The following PPP2R1B variants were observed in gnomAD, a reference collection of about 807,000 sequenced individuals.
PPP2R1B encodes the protein protein phosphatase 2 scaffold subunit Abeta.
In PPP2R1B, 58 loss-of-function variants were observed where a neutral mutation model predicts 72.7. The ratio of observed to expected loss-of-function variants is 0.80; its 90% CI spans 0.65 to 0.99. The LOEUF (loss-of-function observed/expected upper bound fraction) is 0.99. Ranked by LOEUF, PPP2R1B falls within the 50% of genes least tolerant of loss-of-function variation. PPP2R1B has a pLI of 0.00. For synonymous variants in PPP2R1B, 256 were observed against 264.6 expected (o/e 0.97, Z 0.32); for missense variants, 695 against 733.6 (o/e 0.95, Z 0.61).
intron 10 of PPP2R1B, among the ~76,000 whole-genome samples, chr11:111,751,706 A>C (rs1274116424): frequency 1.3e-5 from 2 of 152,242 alleles, no homozygotes; most frequent in Admixed American, 1.3e-4. Context: ...GGCCAGATGC[A>C]GTGGCTCACG....
chr11:111,738,175 A>T lies in PPP2R1B; in HGVS notation c.*3421T>A. ...AAACAGTTACATCACATCAGACTGC[A>T]GTCACCTCAGCTGCTAAACCAGGAG... On this transcript the variant is annotated 3_prime_UTR_variant, in exon 15 of 15. Transcript: ENST00000527614. 1 of 986,010 alleles carries T rather than the reference A, an allele frequency of 1.0e-6. No homozygotes were observed. Among genetic ancestry groups the T allele is most frequent in the Non-Finnish European group, 1.2e-6 (1 of 830,314 alleles). 61.1% of individuals were successfully genotyped at this position (986,010 alleles called of 1,614,324 possible).
Position 111,742,162 on chromosome 11 carries a change from T to C in PPP2R1B, c.1698-18A>G, listed in dbSNP as rs776276887. The C allele has an allele frequency of 4.4e-6, 7 of 1,589,086 alleles. No individual in the cohort carries two copies. The East Asian group carries it at 6.7e-5, about 15-fold the overall frequency. ...GTAAAGCACTGACATTCAAAAGTAT[T>C]ATCTGTGAAAGACAGTCTAATGGGC... is the stretch of plus-strand genomic sequence containing the variant. On this transcript the variant is annotated intron_variant, in intron 13 of 14. Coordinates refer to ENST00000527614, the MANE Select transcript of PPP2R1B (RefSeq NM_002716.5).
the PPP2R1B span, among the ~76,000 whole-genome samples, chr11:111,714,366 G>A: frequency 1.4e-4 from 21 of 152,220 alleles, no homozygotes; most frequent in African/African-American, 4.8e-4. Flanking sequence ...TGAAACAACT[G>A]AAGGAACAGT....
Position 111,738,090 on chromosome 11 carries a change from G to C in PPP2R1B, c.*3506C>G. 5.0e-6 allele frequency: 5 copies of C among 990,626 alleles called. 1 individual carries two copies. The South Asian group carries it at 1.8e-4, about 36-fold the overall frequency. The allele number at this position is 990,626 out of a possible 1,614,324, so 61.4% of individuals were successfully genotyped here. On this transcript the variant is annotated 3_prime_UTR_variant, in exon 15 of 15. Transcript: ENST00000527614. ...GAGGACTGGAGGGAGACATGCGAGG[G>C]AAGAGGAAAGAGGAGAGTAAGGAAC...
intron 5 of PPP2R1B, among the ~76,000 whole-genome samples, chr11:111,758,521 C>A (rs775404747): frequency 9.7e-4 from 147 of 152,112 alleles, no homozygotes; most frequent in Middle Eastern, 3.4e-3. Flanking sequence ...ACCCGGGAGG[C>A]AGAGGTTGCA....
chr11:111,693,786 A>G, the PPP2R1B span, among the ~76,000 whole-genome samples: 3 of 152,180 alleles, frequency 2.0e-5, no homozygotes, highest in Non-Finnish European at 4.4e-5. Flanking sequence ...CATATCTATT[A>G]AATACAAATC....
rs782499776 is a variant in PPP2R1B at position 111,759,869 on chromosome 11, A to G, written c.622T>C (p.Leu208=). The G allele has an allele frequency of 6.2e-7, 1 of 1,614,200 alleles. No homozygotes were observed. The highest frequency in any genetic ancestry group is 8.5e-7 in the Non-Finnish European group (1 of 1,180,022). The change falls in exon 5 of 15, where the codon TTG becomes CTG. Residue 208 remains leucine (L), a synonymous_variant. Transcript: ENST00000527614. ...TCACTTTTCACACTGTCTAATTCCA[A>G]AACTTTTGCAAATTCACCCAATTTG... ...ASKLGEFAKV[L]ELDSVKSEIV...
At chr11:111,753,633 C>T (rs1019277031) in intron 8 of PPP2R1B, 56 bp from the exon 9 acceptor site, 6 of 1,529,364 alleles carry the variant, frequency 3.9e-6, no homozygotes, top group African/African-American at 2.8e-5. Context: ...AACTTCCATA[C>T]CATTATTCTG....
intron 5 of PPP2R1B, among the ~76,000 whole-genome samples, chr11:111,756,416 A>G (rs1250985322): frequency 6.6e-6 from 1 of 152,186 alleles, no homozygotes; most frequent in Non-Finnish European, 1.5e-5. Context: ...GATGCCTTCA[A>G]AGCCTTACTA....
At chr11:111,753,348 T>A in intron 9 of PPP2R1B, 95 bp downstream of exon 9, 1 of 1,456,500 alleles carries the variant, frequency 6.9e-7, no homozygotes. Flanking sequence ...TTTATCCATT[T>A]TCTTTTTGGG....
the PPP2R1B span, chr11:111,712,165 GA>G: frequency 9.0e-6 from 14 of 1,551,560 alleles, no homozygotes; most frequent in Non-Finnish European, 1.1e-5. Context: ...TATTTATAGA[GA>G]AGGTATTCAT....
chr11:111,703,517 TC>T, the PPP2R1B span: 1 of 1,096,272 alleles, frequency 9.1e-7, no homozygotes, highest in Non-Finnish European at 1.4e-6. Flanking sequence ...CACATGTATC[TC>T]CAGCGCCTAG....
chr11:111,705,154 G>C, the PPP2R1B span: 22 of 1,548,194 alleles, frequency 1.4e-5, no homozygotes, highest in African/African-American at 1.3e-4. The surrounding 1 kb of genome is among the most constrained non-coding windows in gnomAD (Gnocchi z 4.3). Flanking sequence ...TGCCCCCTTA[G>C]CTGAGAGTCT....
chr11:111,719,809 T>G, the PPP2R1B span: 2 of 1,614,036 alleles, frequency 1.2e-6, no homozygotes, highest in African/African-American at 2.7e-5. Flanking sequence ...GTGCCTCCTG[T>G]CCTGGTGCGG....
At chr11:111,703,451 T>C in the PPP2R1B span, 2 of 1,599,560 alleles carry the variant, frequency 1.3e-6, no homozygotes, top group Non-Finnish European at 1.7e-6. Flanking sequence ...TTCGGGGTTC[T>C]ACTGCACTTA....
the PPP2R1B span, among the ~76,000 whole-genome samples, chr11:111,700,575 T>C: frequency 6.6e-6 from 1 of 152,226 alleles, no homozygotes; most frequent in African/African-American, 2.4e-5. Context: ...GATTATCAAA[T>C]ACTAGTTGGG....
intron 3 of PPP2R1B, among the ~76,000 whole-genome samples, chr11:111,764,424 A>T: frequency 6.6e-6 from 1 of 152,212 alleles, no homozygotes; most frequent in Non-Finnish European, 1.5e-5. Flanking sequence ...TGTCAATTAA[A>T]TTGAACTAAA....
chr11:111,719,389 G>A, the PPP2R1B span, among the ~76,000 whole-genome samples: 1 of 107,284 alleles, frequency 9.3e-6, no homozygotes, highest in African/African-American at 3.6e-5. Flanking sequence ...AATGAGCCAA[G>A]TAGTTAAAAA....
Position 111,742,522 on chromosome 11 carries a change from C to G in PPP2R1B, c.1697+1G>C. On this transcript the variant is annotated splice_donor_variant, in intron 13 of 14. Transcript: ENST00000527614. LOFTEE classifies it high-confidence loss of function. ...AACAAGACTAAACACTAAAATCTTA[C>G]TTGGTATCTAGAATTGGTCCAATCT... 3.7e-6 allele frequency: 6 copies of G among 1,612,112 alleles called. No homozygotes were observed. The highest frequency in any genetic ancestry group is 5.1e-6 in the Non-Finnish European group (6 of 1,179,124).
Sources: allele counts gnomAD v4.1 joint callset (sites outside exome capture counted in the v4.1 genomes callset), GRCh38; gene constraint gnomAD v4.1.1; non-coding constraint Gnocchi (gnomAD v3.1); transcripts MANE v1.5; gene names NCBI Gene and HGNC (gene_info 2026-07-23, HGNC 2026-07-21).